Variants in PLEKHA6 observed in about 807,000 individuals in gnomAD.
PLEKHA6 encodes the protein pleckstrin homology domain containing A6.
A neutral mutation model predicts 116.7 loss-of-function variants in PLEKHA6; 60 were observed. The ratio of observed to expected loss-of-function variants is 0.51; its 90% CI spans 0.42 to 0.64. PLEKHA6 has a LOEUF of 0.64. PLEKHA6 is among the 30% of genes least tolerant of loss of function. The probability of loss-of-function intolerance (pLI) is 0.00; values close to 1 mark genes in which losing one functional copy is unlikely to be tolerated. For synonymous variants in PLEKHA6, 489 were observed against 556.1 expected, an observed-to-expected ratio of 0.88 and a Z score of 1.70; for missense variants, 1,338 against 1,422.7, an observed-to-expected ratio of 0.94 and a Z score of 0.96.
intron 17 of PLEKHA6, among the ~76,000 whole-genome samples, chr1:204,236,317 T>C (rs968748089): frequency 6.6e-6 from 1 of 152,180 alleles, no homozygotes; most frequent in Non-Finnish European, 1.5e-5. Flanking sequence ...CTGATCTCCC[T>C]TGGTTTAATG....
Position 204,259,626 on chromosome 1 carries a change from G to C in PLEKHA6, c.639C>G (p.Gly213=), listed in dbSNP as rs757097637. ...TTCTCTCTGCCTTCTCACAGCCTCG[G>C]CCATCACCCTCCCCTCGAGTCTTGG... ...PEAKTRGEGD[G]RGCEKAERRP... is the part of the protein sequence containing the mutation. The change falls in exon 8 of 23, where the codon GGC becomes GGG. Residue 213 remains glycine, a synonymous_variant. Coordinates refer to ENST00000272203, the MANE Select transcript of PLEKHA6 (RefSeq NM_014935.5). This position sits in a 1 kb window ranked among gnomAD's most constrained non-coding sequence, Gnocchi z 4.6. 1 of 1,614,122 alleles carries C rather than the reference G, an allele frequency of 6.2e-7. No individual in the cohort carries two copies. Among genetic ancestry groups the C allele is most frequent in the Non-Finnish European group, 8.5e-7 (1 of 1,180,030 alleles).
At chr1:204,307,603 G>T (rs1461623390) in intron 1 of PLEKHA6, among the ~76,000 whole-genome samples, 2 of 152,228 alleles carry the variant, frequency 1.3e-5, no homozygotes, top group Non-Finnish European at 2.9e-5. Context: ...TGAAACTGCA[G>T]GTTGGCCAAG....
intron 1 of PLEKHA6, among the ~76,000 whole-genome samples, chr1:204,300,706 A>T (rs908595279): frequency 1.3e-5 from 2 of 152,220 alleles, no homozygotes; most frequent in Non-Finnish European, 2.9e-5. Context: ...TTGGAGGAAA[A>T]GCCTAGCTCT....
At position 204,265,094 on chromosome 1, in the gene PLEKHA6, T is replaced by A. The variant is rs4076020; in HGVS notation, c.281-52A>T. 6,150 of 1,288,432 alleles carry A rather than the reference T, an allele frequency of 4.8e-3. 314 individuals carry two copies. In the Admixed American group the frequency reaches 0.091, roughly 19 times the overall value. 79.8% of individuals were successfully genotyped at this position (1,288,432 alleles called of 1,614,324 possible). ...GTGTGTGTGTGTGTGTGCAAGCGTG[T>A]GCGTGCGCCAGGGGTGGGGAGGAGT... On this transcript the variant is annotated intron_variant, in intron 5 of 22. Transcript: ENST00000272203.
intron 15 of PLEKHA6, chr1:204,242,998 C>T (rs926344130): frequency 2.3e-4 from 90 of 398,674 alleles, no homozygotes; most frequent in Non-Finnish European, 3.0e-4. Flanking sequence ...CCGTAGAAAC[C>T]GACCTTTGGG....
intron 1 of PLEKHA6, among the ~76,000 whole-genome samples, chr1:204,374,222 T>C (rs930510690): frequency 6.6e-6 from 1 of 152,198 alleles, no homozygotes; most frequent in Non-Finnish European, 1.5e-5. Flanking sequence ...AGCACCGGGC[T>C]GATGGGGGAA....
chr1:204,375,246 A>G (rs1166887204), intron 1 of PLEKHA6, among the ~76,000 whole-genome samples: 1 of 151,506 alleles, frequency 6.6e-6, no homozygotes, highest in African/African-American at 2.4e-5. Context: ...TTCAAACTCT[A>G]TCCTGTATAT....
intron 17 of PLEKHA6, among the ~76,000 whole-genome samples, chr1:204,236,300 G>A (rs1330262745): frequency 1.3e-5 from 2 of 152,212 alleles, no homozygotes; most frequent in Non-Finnish European, 2.9e-5. Context: ...GAGCGAGATG[G>A]AAATGCCTGA....
Position 204,220,478 on chromosome 1 carries a change from GGC to G in PLEKHA6, c.*2308_*2309del. 2 of 152,720 alleles carry G rather than the reference GGC, an allele frequency of 1.3e-5. No homozygotes were observed. The highest frequency in any genetic ancestry group is 2.9e-5 in the Non-Finnish European group (2 of 68,020). 9.5% of individuals were successfully genotyped at this position (152,720 alleles called of 1,614,324 possible). On this transcript the variant is annotated 3_prime_UTR_variant, in exon 23 of 23. Transcript: ENST00000272203. ...GACAGGCACAGGGTTGGGACCTAAA[GGC>G]AGTTACCCCATCTCCTCACCTCATT...
chr1:204,317,161 A>G (rs1671891471), intron 1 of PLEKHA6: 1 of 706,878 alleles, frequency 1.4e-6, no homozygotes, highest in Non-Finnish European at 1.7e-6. Context: ...AAATATAAAA[A>G]TGTCTCAGAA....
intron 1 of PLEKHA6, among the ~76,000 whole-genome samples, chr1:204,284,481 T>A (rs1261921335): frequency 6.6e-6 from 1 of 152,048 alleles, no homozygotes; most frequent in Non-Finnish European, 1.5e-5. Context: ...TGCCAAGGAC[T>A]CTGAGGGCAA....
At chr1:204,324,344 A>C (rs1411129815) in intron 1 of PLEKHA6, among the ~76,000 whole-genome samples, 1 of 152,156 alleles carries the variant, frequency 6.6e-6, no homozygotes, top group Admixed American at 6.5e-5. Context: ...GTCACTGGGC[A>C]CAAAGACATG....
At chr1:204,331,780 C>A (rs1189247945) in intron 1 of PLEKHA6, among the ~76,000 whole-genome samples, 3 of 152,054 alleles carry the variant, frequency 2.0e-5, no homozygotes, top group African/African-American at 7.3e-5. Flanking sequence ...TAGAGAGGCC[C>A]CTGGGAACAT....
At chr1:204,338,098 T>C (rs1013605407) in intron 1 of PLEKHA6, among the ~76,000 whole-genome samples, 4 of 152,226 alleles carry the variant, frequency 2.6e-5, no homozygotes, top group African/African-American at 9.6e-5. Context: ...AATGTGTGCC[T>C]TAAATTCCCG....
At chr1:204,239,956 G>A (rs1055361990) in intron 17 of PLEKHA6, among the ~76,000 whole-genome samples, 5 of 152,224 alleles carry the variant, frequency 3.3e-5, no homozygotes, top group East Asian at 1.9e-4. Flanking sequence ...ACGGGTCTTC[G>A]TTCCAGAGGG....
In PLEKHA6 at chr1:204,285,676, C is replaced by T. The variant is rs550877613; in HGVS notation, c.-94-10867G>A. On this transcript the variant is annotated intron_variant, in intron 1 of 22. Transcript: ENST00000272203. ...ATTTTTAGTAGAGACACGGTCTCGC[C>T]GTGTTGGCCAGGCTCATTATTTTTA... is the stretch of plus-strand genomic sequence containing the variant. Among the ~76,000 whole-genome samples, 8 of 152,232 alleles carry T rather than the reference C, an allele frequency of 5.3e-5. No individual in the cohort carries two copies. The East Asian group carries it at 7.7e-4, about 15-fold the overall frequency.
chr1:204,316,624 G>A (rs973734775), intron 1 of PLEKHA6, among the ~76,000 whole-genome samples: 1 of 152,164 alleles, frequency 6.6e-6, no homozygotes, highest in South Asian at 2.1e-4. Context: ...CCTTCTAAAA[G>A]GTCACAGTTT....
intron 17 of PLEKHA6, among the ~76,000 whole-genome samples, chr1:204,237,905 T>C (rs1001482310): frequency 1.3e-5 from 2 of 152,170 alleles, no homozygotes; most frequent in Admixed American, 6.5e-5. Flanking sequence ...TGACAAGACA[T>C]TTGCATGCCA....
chr1:204,343,282 G>A (rs1168133352), intron 1 of PLEKHA6, among the ~76,000 whole-genome samples: 2 of 152,150 alleles, frequency 1.3e-5, no homozygotes, highest in African/African-American at 2.4e-5. Context: ...TTTCAAGAGA[G>A]ATTAAAAGCT....
Sources: gnomAD v4.1 joint callset for allele counts (sites outside exome capture counted in the v4.1 genomes callset) on GRCh38, gnomAD v4.1.1 for gene constraint, Gnocchi (gnomAD v3.1) non-coding constraint, MANE v1.5 for transcripts, NCBI Gene and HGNC (gene_info 2026-07-23, HGNC 2026-07-21) for gene names.